Variants in CADPS2 observed in about 807,000 individuals in gnomAD.
CADPS2 encodes calcium dependent secretion activator 2, also known as calcium-dependent secretion activator 2.
A neutral mutation model predicts 172.5 loss-of-function variants in CADPS2; 93 were observed. The observed-to-expected ratio is 0.54, with a 90% CI of 0.46 to 0.64. The LOEUF is 0.64. Ranked by LOEUF, CADPS2 falls within the 30% of genes least tolerant of loss-of-function variation. CADPS2 has a pLI of 0.00. For missense variants in CADPS2, 1,420 were observed against 1,565.9 expected (o/e 0.91, Z 1.57); for synonymous variants, 546 against 555.2 (o/e 0.98, Z 0.23).
intron 1 of CADPS2, among the ~76,000 whole-genome samples, chr7:122,873,487 A>G (rs1277907176): frequency 6.6e-6 from 1 of 152,198 alleles, no homozygotes; most frequent in Non-Finnish European, 1.5e-5. Context: ...ATGCCCCTGC[A>G]AAGGACATGA....
At chr7:122,624,504 T>C (rs2075893602) in intron 4 of CADPS2, among the ~76,000 whole-genome samples, 2 of 152,224 alleles carry the variant, frequency 1.3e-5, no homozygotes, top group South Asian at 4.1e-4. Context: ...ATGCCCCACA[T>C]TAATTTTAGG....
intron 2 of CADPS2, among the ~76,000 whole-genome samples, chr7:122,684,433 A>G (rs2083411358): frequency 6.8e-6 from 1 of 147,752 alleles, no homozygotes; most frequent in South Asian, 2.2e-4. Context: ...AGTTTGTAGT[A>G]AGCATATATA....
Position 122,824,005 on chromosome 7 carries a change from A to T in CADPS2, c.339+61994T>A, listed in dbSNP as rs117637060. On this transcript the variant is annotated intron_variant, in intron 1 of 29. Transcript: ENST00000449022. ...CCCCAGTAACTTACACATGCAAAAG[A>T]CATTGGCTTGTACTTTCCCAGTCTC... Among the ~76,000 whole-genome samples the T allele has an allele frequency of 6.7e-4, 102 of 152,302 alleles. No homozygotes were observed. In the East Asian group the frequency reaches 0.014, roughly 21 times the overall value.
Position 122,657,235 on chromosome 7 carries a change from G to A in CADPS2, c.786+6002C>T, listed in dbSNP as rs139718044. ...AGCCTTGTAGTATAGTTTGAAATCA[G>A]GTAGCGTGATGCCTCCAGCTTTGTT... On this transcript the variant is annotated intron_variant, in intron 3 of 29. Coordinates refer to ENST00000449022, the MANE Select transcript of CADPS2 (RefSeq NM_017954.11). Among the ~76,000 whole-genome samples, 383 of 152,316 alleles carry A rather than the reference G, an allele frequency of 2.5e-3. 2 individuals are homozygous for A. Among genetic ancestry groups the A allele is most frequent in the African/African-American group, 8.7e-3 (361 of 41,568 alleles).
chr7:122,657,719 TG>T (rs1356308583), intron 3 of CADPS2, among the ~76,000 whole-genome samples: 1 of 152,188 alleles, frequency 6.6e-6, no homozygotes, highest in Non-Finnish European at 1.5e-5. Flanking sequence ...GCTGAGATGA[TG>T]GGGTTTTCTA....
chr7:122,408,631 T>TCA (rs2046955814), intron 19 of CADPS2, among the ~76,000 whole-genome samples: 1 of 152,188 alleles, frequency 6.6e-6, no homozygotes, highest in African/African-American at 2.4e-5. Context: ...TTTGCTATGT[T>TCA]GGCCAGGCTG....
chr7:122,758,021 A>G (rs1459957933), intron 1 of CADPS2, among the ~76,000 whole-genome samples: 1 of 152,210 alleles, frequency 6.6e-6, no homozygotes, highest in Non-Finnish European at 1.5e-5. Context: ...TTAAGTTTAA[A>G]AAGTCAACAT....
chr7:122,871,210 T>C (rs186165315), intron 1 of CADPS2, among the ~76,000 whole-genome samples: 171 of 152,008 alleles, frequency 1.1e-3, no homozygotes, highest in Middle Eastern at 3.4e-3. Context: ...ACACCCTGGT[T>C]TCATCCCACT....
At chr7:122,416,296 CA>C (rs35971020) in intron 17 of CADPS2, 132 bp from the exon 18 acceptor site, 118,941 of 331,100 alleles carry the variant, frequency 0.36, 8,820 homozygotes, top group East Asian at 0.41. Flanking sequence ...ATTATTTAGA[CA>C]AAAAAAAAAA....
chr7:122,770,745 G>A (rs1244539372), intron 1 of CADPS2, among the ~76,000 whole-genome samples: 3 of 152,242 alleles, frequency 2.0e-5, no homozygotes, highest in Non-Finnish European at 2.9e-5. Context: ...TATAGATGGC[G>A]GCACCCACAG....
chr7:122,350,872 G>C (rs2038451872), intron 27 of CADPS2, among the ~76,000 whole-genome samples: 1 of 151,960 alleles, frequency 6.6e-6, no homozygotes, highest in South Asian at 2.1e-4. Context: ...TGTAGTCCCA[G>C]CTGCTTAGGA....
intron 6 of CADPS2, among the ~76,000 whole-genome samples, chr7:122,594,262 C>T (rs1437449520): frequency 6.6e-6 from 1 of 151,208 alleles, no homozygotes; most frequent in Non-Finnish European, 1.5e-5. Flanking sequence ...TAGTGAGACC[C>T]AGTCTCAAAA....
At chr7:122,669,569 TGAGG>T (rs1311868539) in intron 2 of CADPS2, among the ~76,000 whole-genome samples, 1 of 151,710 alleles carries the variant, frequency 6.6e-6, no homozygotes, top group African/African-American at 2.4e-5. Flanking sequence ...GGCTTTCACA[TGAGG>T]GAGGAAGAGT....
chr7:122,707,166 A>G (rs1293802530), intron 2 of CADPS2, among the ~76,000 whole-genome samples: 1 of 151,858 alleles, frequency 6.6e-6, no homozygotes, highest in Non-Finnish European at 1.5e-5. Flanking sequence ...ACCGCAACAA[A>G]CATGTAATAT....
intron 17 of CADPS2, among the ~76,000 whole-genome samples, chr7:122,425,740 T>C (rs1366558926): frequency 6.6e-6 from 1 of 152,246 alleles, no homozygotes; most frequent in African/African-American, 2.4e-5. Context: ...TATCCATTTT[T>C]TTCTAAATAT....
intron 2 of CADPS2, among the ~76,000 whole-genome samples, chr7:122,669,560 G>A (rs1249735378): frequency 6.6e-6 from 1 of 151,792 alleles, no homozygotes; most frequent in Non-Finnish European, 1.5e-5. Flanking sequence ...AAGGAAATGG[G>A]CTTTCACATG....
At chr7:122,352,652 G>C (rs2038840676) in intron 27 of CADPS2, among the ~76,000 whole-genome samples, 1 of 152,200 alleles carries the variant, frequency 6.6e-6, no homozygotes, top group Admixed American at 6.5e-5. Context: ...CTGTGGGCAA[G>C]AGCTCCATTC....
rs573695991 is a variant in CADPS2, at chr7:122,750,686, AAAG to A, written c.340-13621_340-13619del. ...GAGACATGTGTGATCATTTTTAAAG[AAAG>A]AAGAACAAGTGAACAAATCCCAAAG... On this transcript the variant is annotated intron_variant, in intron 1 of 29. Transcript: ENST00000449022. 2.2e-4 allele frequency among the ~76,000 whole-genome samples: 34 copies of A among 152,286 alleles called. 1 individual carries two copies. The highest frequency in any genetic ancestry group is 4.3e-4 in the Non-Finnish European group (29 of 68,012).
At chr7:122,842,050 A>G (rs1250099398) in intron 1 of CADPS2, among the ~76,000 whole-genome samples, 1 of 152,178 alleles carries the variant, frequency 6.6e-6, no homozygotes, top group African/African-American at 2.4e-5. Context: ...CCTAGGCTGG[A>G]AAAGGAGAGA....
Sources: gnomAD v4.1 joint callset for allele counts (sites outside exome capture counted in the v4.1 genomes callset) on GRCh38, gnomAD v4.1.1 for gene constraint, MANE v1.5 for transcripts, NCBI Gene and HGNC (gene_info 2026-07-23, HGNC 2026-07-21) for gene names.